The following ACOX3 variants were observed in gnomAD, a reference collection of about 807,000 sequenced individuals.
ACOX3 encodes peroxisomal acyl-coenzyme A oxidase 3.
ACOX3 carries 73 observed loss-of-function variants against 81.5 expected under a neutral mutation model. That is an observed-to-expected ratio of 0.90 (90% CI 0.74 to 1.09). The LOEUF is 1.09. Among genes scored for constraint, ACOX3 ranks in the 50% least tolerant of loss-of-function variants. ACOX3 has a pLI of 0.00. For missense variants in ACOX3, 947 were observed against 928.0 expected (o/e 1.02, Z -0.27); for synonymous variants, 387 against 375.1 (o/e 1.03, Z -0.37).
In ACOX3 at chr4:8,416,528, A is replaced by T; in HGVS notation, c.-7T>A. 6.3e-7 allele frequency: 1 copy of T among 1,596,182 alleles called. No homozygotes were observed. The highest frequency in any genetic ancestry group is 1.1e-5 in the South Asian group (1 of 88,886). ...CTTCCACAGTGGATGCCATCGCGTG[A>T]TAAGAGCCTGCACAAAACATGCAAC... On this transcript the variant is annotated 5_prime_UTR_variant, in exon 2 of 18. Transcript: ENST00000356406. The surrounding 1 kb of genome is among the most constrained non-coding windows in gnomAD (Gnocchi z 4.2).
chr4:8,434,577 C>T (rs1724123757), intron 1 of ACOX3, among the ~76,000 whole-genome samples: 2 of 152,222 alleles, frequency 1.3e-5, no homozygotes, highest in Non-Finnish European at 2.9e-5. Context: ...GGCAAGCCCC[C>T]GTGGAGGATC....
chr4:8,383,565 C>T (rs1041702901), intron 13 of ACOX3, among the ~76,000 whole-genome samples: 1 of 152,174 alleles, frequency 6.6e-6, no homozygotes, highest in African/African-American at 2.4e-5. Context: ...CGGGAAAAGC[C>T]CCCCCACCAC....
In ACOX3 at chr4:8,423,612, T is replaced by C. The variant is rs1723176781; in HGVS notation, c.-14-7077A>G. On this transcript the variant is annotated intron_variant, in intron 1 of 17. Coordinates refer to ENST00000356406, the MANE Select transcript of ACOX3 (RefSeq NM_003501.3). This position sits in a 1 kb window ranked among gnomAD's most constrained non-coding sequence, Gnocchi z 4.2. Reference sequence around the variant, plus strand: ...ATGGACAGTGGAGGTTAGTGCAAGATCTCAGGATTATCAATGAGGCTGTTG... The same window carrying C: ...ATGGACAGTGGAGGTTAGTGCAAGACCTCAGGATTATCAATGAGGCTGTTG... Among the ~76,000 whole-genome samples the C allele has an allele frequency of 3.9e-5, 6 of 152,158 alleles. No homozygotes were observed. Among genetic ancestry groups the C allele is most frequent in the Admixed American group, 3.9e-4 (6 of 15,270 alleles).
chr4:8,376,577 G>A (rs184765897), intron 14 of ACOX3, among the ~76,000 whole-genome samples: 1 of 152,272 alleles, frequency 6.6e-6, no homozygotes, highest in Admixed American at 6.5e-5. Context: ...ACCGGGAGAA[G>A]CGCCTTTCCC....
chr4:8,423,493 C>T lies in ACOX3; in HGVS notation c.-14-6958G>A, dbSNP rs1246885053. Among the ~76,000 whole-genome samples the T allele has an allele frequency of 6.6e-6, 1 of 152,168 alleles. No homozygotes were observed. Among genetic ancestry groups the T allele is most frequent in the Non-Finnish European group, 1.5e-5 (1 of 68,036 alleles). On this transcript the variant is annotated intron_variant, in intron 1 of 17. Coordinates refer to ENST00000356406, the MANE Select transcript of ACOX3 (RefSeq NM_003501.3). The surrounding 1 kb of genome is among the most constrained non-coding windows in gnomAD (Gnocchi z 4.2). ...TCTTAGACCCGAGGCCCAACAAGGA[C>T]TCCAAAAGATTGTTAAGGACCTAAA... is the stretch of plus-strand genomic sequence containing the variant.
chr4:8,418,305 TTA>T (rs1722554225), intron 1 of ACOX3, among the ~76,000 whole-genome samples: 3 of 151,926 alleles, frequency 2.0e-5, no homozygotes, highest in Admixed American at 6.6e-5. Context: ...ATAAAAAAGA[TTA>T]TATGTGCCAG....
At chr4:8,380,834 C>A (rs1257495173) in intron 14 of ACOX3, among the ~76,000 whole-genome samples, 1 of 152,218 alleles carries the variant, frequency 6.6e-6, no homozygotes, top group Non-Finnish European at 1.5e-5. Flanking sequence ...CAAGAGTGCT[C>A]ATGGCACCCA....
chr4:8,435,893 A>G (rs552239596), intron 1 of ACOX3, among the ~76,000 whole-genome samples: 191 of 152,154 alleles, frequency 1.3e-3, no homozygotes, highest in Non-Finnish European at 1.8e-3. Context: ...GAGAAACGAG[A>G]TTAAGGAGCT....
At position 8,397,092 on chromosome 4, in the gene ACOX3, G is replaced by C. The variant is rs1419304847; in HGVS notation, c.901C>G (p.Leu301Val). Residue 301 changes from leucine (L) to valine (V), a missense_variant, in exon 9 of 18, where the codon CTG (leucine) becomes GTG (valine). Leu to Val is a conservative substitution (Grantham distance 32, BLOSUM62 1). Transcript: ENST00000356406. ...ACCCGGCCCGAGGACAGGCTCCCCAGGGACGCTCCAAAGCGCTGCCTGACG... is the reference window on the plus strand; with the variant it reads ...ACCCGGCCCGAGGACAGGCTCCCCACGGACGCTCCAAAGCGCTGCCTGACG... ...KDVRQRFGAS[L>V]GSLSSGRVSI... 6.3e-7 allele frequency: 1 copy of C among 1,582,902 alleles called. No homozygotes were observed. The highest frequency in any genetic ancestry group is 1.4e-5 in the African/African-American group (1 of 73,108).
intron 7 of ACOX3, among the ~76,000 whole-genome samples, chr4:8,403,250 A>T (rs780580215): frequency 3.3e-5 from 5 of 152,244 alleles, no homozygotes; most frequent in Non-Finnish European, 7.3e-5. Flanking sequence ...CATTGGTAAC[A>T]AAAATCACTA....
At chr4:8,395,171 T>C (rs1477365702) in intron 9 of ACOX3, among the ~76,000 whole-genome samples, 2 of 146,932 alleles carry the variant, frequency 1.4e-5, no homozygotes, top group Non-Finnish European at 3.0e-5. Context: ...CACACAGAGC[T>C]GGCAGCCCCT....
intron 1 of ACOX3, among the ~76,000 whole-genome samples, chr4:8,424,640 T>G (rs769720131): frequency 1.3e-5 from 2 of 152,240 alleles, no homozygotes; most frequent in Non-Finnish European, 2.9e-5. Context: ...GACAACCGTT[T>G]GCTTAAATAT....
chr4:8,424,202 C>T (rs1459098060), intron 1 of ACOX3, among the ~76,000 whole-genome samples: 1 of 152,188 alleles, frequency 6.6e-6, no homozygotes, highest in Non-Finnish European at 1.5e-5. Context: ...ATATGGATTC[C>T]CAGGTACAGT....
rs1416915726 is a variant in ACOX3, at chr4:8,405,978, G to A, written c.753C>T (p.Leu251=). Residue 251 remains leucine, a synonymous_variant, in exon 7 of 18, where the codon CTC becomes CTT. Coordinates refer to ENST00000356406, the MANE Select transcript of ACOX3 (RefSeq NM_003501.3). This position sits in a 1 kb window ranked among gnomAD's most constrained non-coding sequence, Gnocchi z 7.1. ...GVMVGDIGKK[L]GQNGLDNGFA... is the part of the protein sequence containing the mutation. ...ACCCATTATCCAGACCGTTCTGCCC[G>A]AGTTTTTTTCCTATGTCGCCAACCA... The A allele has an allele frequency of 6.8e-6, 11 of 1,614,036 alleles. No homozygotes were observed. The highest frequency in any genetic ancestry group is 4.4e-5 in the South Asian group (4 of 91,090).
chr4:8,409,409 G>C (rs1300013957), intron 6 of ACOX3, among the ~76,000 whole-genome samples: 1 of 145,496 alleles, frequency 6.9e-6, no homozygotes, highest in Non-Finnish European at 1.5e-5. Flanking sequence ...GATACACTGT[G>C]GGTGGGGCTG....
intron 1 of ACOX3, among the ~76,000 whole-genome samples, chr4:8,417,227 C>A (rs1722434568): frequency 6.6e-6 from 1 of 152,258 alleles, no homozygotes; most frequent in Non-Finnish European, 1.5e-5. Context: ...GCTGGTGAAC[C>A]CAAGTCTGTC....
chr4:8,404,869 C>T (rs1469603129), intron 7 of ACOX3, among the ~76,000 whole-genome samples: 1 of 152,144 alleles, frequency 6.6e-6, no homozygotes, highest in Non-Finnish European at 1.5e-5. Context: ...TCCCACTACC[C>T]CCAAGTTATA....
At position 8,406,661 on chromosome 4, in the gene ACOX3, G is replaced by A. The variant is rs940828394; in HGVS notation, c.688-618C>T. Among the ~76,000 whole-genome samples, 1 of 152,240 alleles carries A rather than the reference G, an allele frequency of 6.6e-6. No individual in the cohort carries two copies. The highest frequency in any genetic ancestry group is 6.5e-5 in the Admixed American group (1 of 15,288). The stretch of plus-strand genomic sequence containing the variant: ...GACCACATGGGTCACATGTCCACTG[G>A]ACAGGGGGCCCTTCCCTGCCTGGCA... On this transcript the variant is annotated intron_variant, in intron 6 of 17. Coordinates refer to ENST00000356406, the MANE Select transcript of ACOX3 (RefSeq NM_003501.3). The surrounding 1 kb of genome is among the most constrained non-coding windows in gnomAD (Gnocchi z 5.6).
downstream of ACOX3, among the ~76,000 whole-genome samples, chr4:8,364,775 C>G (rs939221553): frequency 6.6e-6 from 1 of 152,314 alleles, no homozygotes; most frequent in Admixed American, 6.5e-5. This position sits in a 1 kb window ranked among gnomAD's most constrained non-coding sequence, Gnocchi z 5.0. Context: ...TAGTTTCAGA[C>G]CAAAGGCTGG....
Sources: allele counts gnomAD v4.1 joint callset (sites outside exome capture counted in the v4.1 genomes callset), GRCh38; gene constraint gnomAD v4.1.1; non-coding constraint Gnocchi (gnomAD v3.1); transcripts MANE v1.5; gene names NCBI Gene and HGNC (gene_info 2026-07-23, HGNC 2026-07-21).